The following AFAP1 variants were observed in gnomAD, a reference collection of about 807,000 sequenced individuals.
The protein encoded by AFAP1 is actin filament associated protein 1, also known as actin filament-associated protein 1.
Under a neutral mutation model 93.9 loss-of-function variants are expected in AFAP1, and 75 were observed. That is an observed-to-expected ratio of 0.80 (90% confidence interval 0.66 to 0.97). The LOEUF is 0.97. AFAP1 is among the 50% of genes least tolerant of loss of function. The pLI is 0.00. For synonymous variants in AFAP1, 517 were observed against 430.7 expected (o/e 1.20, Z -2.48); for missense variants, 1,201 against 1,050.8 (o/e 1.14, Z -1.98).
intron 1 of AFAP1, among the ~76,000 whole-genome samples, chr4:7,911,744 G>A (rs1005462369): frequency 6.6e-6 from 1 of 152,082 alleles, no homozygotes; most frequent in Non-Finnish European, 1.5e-5. Context: ...GTCCCTCCAG[G>A]GATTTCTGCC....
At chr4:7,851,929 T>A (rs1016366712) in intron 4 of AFAP1, among the ~76,000 whole-genome samples, 2 of 152,128 alleles carry the variant, frequency 1.3e-5, no homozygotes, top group African/African-American at 2.4e-5. Context: ...CATGATGGGA[T>A]CCCCACACCA....
intron 12 of AFAP1, 74 bp downstream of exon 12, chr4:7,786,120 G>C: frequency 7.3e-7 from 1 of 1,377,298 alleles, no homozygotes; most frequent in Non-Finnish European, 1.0e-6. Context: ...GAAACCAGGG[G>C]AACTGAAGCA....
chr4:7,777,581 G>A (rs1479024706), intron 14 of AFAP1: 2 of 152,218 alleles, frequency 1.3e-5, no homozygotes, highest in East Asian at 3.8e-4. Context: ...GCTGGTGTGG[G>A]GGTTACCACC....
intron 9 of AFAP1, among the ~76,000 whole-genome samples, chr4:7,804,673 C>T (rs1047126854): frequency 3.3e-5 from 5 of 152,144 alleles, no homozygotes; most frequent in Admixed American, 1.3e-4. Flanking sequence ...AGAGTGGCCA[C>T]GTTTCCATGT....
At chr4:7,785,050 C>A (rs575643374) in intron 12 of AFAP1, among the ~76,000 whole-genome samples, 6 of 152,282 alleles carry the variant, frequency 3.9e-5, no homozygotes, top group Admixed American at 3.3e-4. Context: ...ATTTCAAACC[C>A]TCCCAGTACT....
At chr4:7,844,969 A>C (rs56125412) in intron 4 of AFAP1, among the ~76,000 whole-genome samples, 2,150 of 152,382 alleles carry the variant, frequency 0.014, 52 homozygotes, top group African/African-American at 0.049. Context: ...AAAATGGCAG[A>C]GTCTGCACAG....
intron 11 of AFAP1, among the ~76,000 whole-genome samples, chr4:7,792,060 G>A (rs1172435399): frequency 1.3e-5 from 2 of 152,116 alleles, no homozygotes; most frequent in East Asian, 3.9e-4. Flanking sequence ...GTCACAAAAT[G>A]CTCTTTTGGT....
intron 1 of AFAP1, among the ~76,000 whole-genome samples, chr4:7,906,635 G>A (rs961153906): frequency 2.6e-5 from 4 of 152,178 alleles, no homozygotes; most frequent in African/African-American, 9.7e-5. Context: ...TTTCAGATGG[G>A]CTTGAAGCCC....
intron 1 of AFAP1, among the ~76,000 whole-genome samples, chr4:7,913,572 G>A (rs2149228449): frequency 6.6e-6 from 1 of 152,188 alleles, no homozygotes; most frequent in South Asian, 2.1e-4. Flanking sequence ...ATCACATACT[G>A]TTTACATAAG....
intron 1 of AFAP1, among the ~76,000 whole-genome samples, chr4:7,889,880 G>A (rs1322614482): frequency 2.7e-5 from 4 of 150,230 alleles, no homozygotes; most frequent in Middle Eastern, 3.5e-3. Flanking sequence ...CTGGTGGGAG[G>A]ACCATAAATA....
intron 4 of AFAP1, among the ~76,000 whole-genome samples, chr4:7,849,334 G>C (rs1043743395): frequency 4.6e-5 from 7 of 151,830 alleles, no homozygotes; most frequent in East Asian, 3.9e-4. Flanking sequence ...GGCTGAGCAA[G>C]CACAATATTA....
rs1269154931 is a variant in AFAP1 at position 7,761,178 on chromosome 4, C to CATAA, written c.*2583_*2586dup. 1.3e-5 allele frequency: 2 copies of CATAA among 152,224 alleles called. No homozygotes were observed. The highest frequency in any genetic ancestry group is 2.9e-5 in the Non-Finnish European group (2 of 68,046). 9.4% of individuals were successfully genotyped at this position (152,224 alleles called of 1,614,324 possible). A position where few individuals can be genotyped will look rare whatever the true frequency, so the allele number is the denominator to read the frequency against. Reference sequence around the variant, plus strand: ...AAACTATATTTATTGAACATATACACATAAATAACTTATTCTGAAGTAAAT... The same window carrying CATAA: ...AAACTATATTTATTGAACATATACACATAAATAAATAACTTATTCTGAAGTAAAT... On this transcript the variant is annotated 3_prime_UTR_variant, in exon 18 of 18. Transcript: ENST00000420658.
At chr4:7,822,970 GGGT>G (rs1721107265) in intron 6 of AFAP1, among the ~76,000 whole-genome samples, 1 of 152,000 alleles carries the variant, frequency 6.6e-6, no homozygotes, top group South Asian at 2.1e-4. Context: ...CTCTTGGGTA[GGGT>G]GGAGGGGCTG....
chr4:7,849,988 C>T (rs968459482), intron 4 of AFAP1, among the ~76,000 whole-genome samples: 3 of 151,990 alleles, frequency 2.0e-5, no homozygotes, highest in Non-Finnish European at 2.9e-5. Context: ...GGGAGGAACA[C>T]GTGGTAGGTA....
rs377311800 is a variant in AFAP1 at position 7,809,590 on chromosome 4, C to G, written c.1054+24G>C. On this transcript the variant is annotated intron_variant, in intron 9 of 17. Transcript: ENST00000420658. The stretch of plus-strand genomic sequence containing the variant: ...GAAACCCACTTAGGTGCACGCTGCT[C>G]GTCTCCGGGAAGCGCAGTCTTACCG... 43 of 1,603,942 alleles carry G rather than the reference C, an allele frequency of 2.7e-5. 1 individual carries two copies. The South Asian group carries it at 3.0e-4, about 11-fold the overall frequency.
chr4:7,839,499 A>C (rs1026840612), intron 5 of AFAP1, among the ~76,000 whole-genome samples: 3 of 152,172 alleles, frequency 2.0e-5, no homozygotes, highest in African/African-American at 7.2e-5. Context: ...TAATGAGAGA[A>C]AATGGAATAA....
At chr4:7,804,473 AGG>A (rs1491318066) in intron 9 of AFAP1, among the ~76,000 whole-genome samples, 3 of 29,832 alleles carry the variant, frequency 1.0e-4, no homozygotes, top group Non-Finnish European at 1.7e-4. Context: ...CTGTGGCAAG[AGG>A]ATCATGCTAG....
intron 1 of AFAP1, among the ~76,000 whole-genome samples, chr4:7,924,888 GCC>G (rs558130154): frequency 1.1e-4 from 13 of 122,714 alleles, no homozygotes; most frequent in Admixed American, 1.7e-4. Context: ...CCTAATTTTG[GCC>G]CCTGTTTCCC....
At chr4:7,804,870 T>A (rs1421342381) in intron 9 of AFAP1, among the ~76,000 whole-genome samples, 1 of 152,206 alleles carries the variant, frequency 6.6e-6, no homozygotes, top group Admixed American at 6.5e-5. Context: ...AAGAGGGGCA[T>A]CAAGAAGCAG....
Sources: allele counts gnomAD v4.1 joint callset (sites outside exome capture counted in the v4.1 genomes callset), GRCh38; gene constraint gnomAD v4.1.1; transcripts MANE v1.5; gene names NCBI Gene and HGNC (gene_info 2026-07-23, HGNC 2026-07-21).